The following SVEP1 variants were observed in gnomAD, a reference collection of about 807,000 sequenced individuals.
The protein encoded by SVEP1 is sushi, von Willebrand factor type A, EGF and pentraxin domain containing 1.
SVEP1 carries 164 observed loss-of-function variants against 367.3 expected under a neutral mutation model. The ratio of observed to expected loss-of-function variants is 0.45; its 90% CI spans 0.39 to 0.51. SVEP1 has a LOEUF of 0.51. SVEP1 is among the 20% of genes least tolerant of loss of function. The probability of loss-of-function intolerance (pLI) is 0.00; values close to 1 mark genes in which losing one functional copy is unlikely to be tolerated. For missense variants in SVEP1, 4,117 were observed against 4,425.3 expected (o/e 0.93, Z 1.98); for synonymous variants, 1,666 against 1,611.6 (o/e 1.03, Z -0.81).
intron 36 of SVEP1, among the ~76,000 whole-genome samples, chr9:110,414,536 C>T (rs748792440): frequency 3.3e-5 from 5 of 152,042 alleles, no homozygotes; most frequent in Non-Finnish European, 7.4e-5. Context: ...CTATCAATAT[C>T]ACAGTGATGC....
Position 110,403,932 on chromosome 9 carries a change from A to G in SVEP1, c.9666+395T>C, listed in dbSNP as rs143546693. On this transcript the variant is annotated intron_variant, in intron 39 of 47. Transcript: ENST00000374469. ...CTTTCTCTACTGCTTACAAGCAGCA[A>G]ATAGCAGAGAAGAGGATTTGACACC... is the stretch of plus-strand genomic sequence containing the variant. Among the ~76,000 whole-genome samples the G allele has an allele frequency of 5.5e-3, 832 of 152,170 alleles. 7 individuals carry two copies. Among genetic ancestry groups the G allele is most frequent in the African/African-American group, 0.019 (805 of 41,542 alleles).
intron 22 of SVEP1, among the ~76,000 whole-genome samples, chr9:110,452,295 G>C (rs1305945539): frequency 1.3e-5 from 2 of 151,990 alleles, no homozygotes; most frequent in Non-Finnish European, 2.9e-5. Context: ...TTCACATCTA[G>C]TAAATGTATA....
chr9:110,386,491 T>C (rs1015130510), intron 42 of SVEP1, among the ~76,000 whole-genome samples: 1 of 152,102 alleles, frequency 6.6e-6, no homozygotes, highest in African/African-American at 2.4e-5. Flanking sequence ...CTTTCTTTTA[T>C]TGAACATCCT....
At chr9:110,445,696 A>C in intron 26 of SVEP1, 141 bp downstream of exon 26, 1 of 842,910 alleles carries the variant, frequency 1.2e-6, no homozygotes, top group Non-Finnish European at 1.9e-6. Flanking sequence ...ACTTGTTCAG[A>C]TGCTCCATTT....
intron 41 of SVEP1, among the ~76,000 whole-genome samples, chr9:110,388,674 G>C (rs958108422): frequency 1.3e-5 from 2 of 152,080 alleles, no homozygotes; most frequent in Non-Finnish European, 2.9e-5. Context: ...GCTTTAAAAT[G>C]CTATTGATGC....
At chr9:110,475,603 A>G (rs1394576776) in intron 14 of SVEP1, among the ~76,000 whole-genome samples, 1 of 150,726 alleles carries the variant, frequency 6.6e-6, no homozygotes, top group Non-Finnish European at 1.5e-5. Flanking sequence ...TGGCATAATC[A>G]TGGCTCACTG....
In SVEP1 at chr9:110,491,010, GT is replaced by G. The variant is rs892443803; in HGVS notation, c.1801-1232del. Among the ~76,000 whole-genome samples, 11 of 151,642 alleles carry G rather than the reference GT, an allele frequency of 7.3e-5. No individual in the cohort carries two copies. In the South Asian group the frequency reaches 1.0e-3, roughly 14 times the overall value. ...AAGCATCCAAAAATATTTGATGGTAGTTTTTTTTATGATTTAAACTATAATT... is the reference window on the plus strand; with the variant it reads ...AAGCATCCAAAAATATTTGATGGTAGTTTTTTTATGATTTAAACTATAATT... On this transcript the variant is annotated intron_variant, in intron 8 of 47. Transcript: ENST00000374469.
At chr9:110,492,983 C>G (rs1162501183) in intron 8 of SVEP1, among the ~76,000 whole-genome samples, 1 of 152,084 alleles carries the variant, frequency 6.6e-6, no homozygotes, top group Non-Finnish European at 1.5e-5. Flanking sequence ...TATGGACAGA[C>G]TGGGAGGAAG....
At chr9:110,513,521 C>A (rs1439706387) in intron 4 of SVEP1, among the ~76,000 whole-genome samples, 7 of 152,088 alleles carry the variant, frequency 4.6e-5, no homozygotes, top group Non-Finnish European at 7.4e-5. Context: ...ATGGTATATG[C>A]TATTTAAATA....
chr9:110,488,631 G>T lies in SVEP1; in HGVS notation c.1930+1019C>A, dbSNP rs55755023. Among the ~76,000 whole-genome samples, 5 of 152,204 alleles carry T rather than the reference G, an allele frequency of 3.3e-5. No homozygotes were observed. In the South Asian group the frequency reaches 6.2e-4, roughly 19 times the overall value. On this transcript the variant is annotated intron_variant, in intron 9 of 47. Coordinates refer to ENST00000374469, the MANE Select transcript of SVEP1 (RefSeq NM_153366.4). ...AATCCCAGCATTTTGGGAGGCCAAC[G>T]TGAGAGGATCACTTGAGGCCAGGAG...
chr9:110,491,613 GTGTGCA>G (rs1441139097), intron 8 of SVEP1, among the ~76,000 whole-genome samples: 2 of 151,590 alleles, frequency 1.3e-5, no homozygotes, highest in African/African-American at 4.8e-5. Context: ...GTGTGTGTGT[GTGTGCA>G]AATTTATCTG....
chr9:110,477,643 T>A (rs542197060), intron 13 of SVEP1, among the ~76,000 whole-genome samples: 3 of 152,200 alleles, frequency 2.0e-5, no homozygotes, highest in South Asian at 2.1e-4. Flanking sequence ...CACACTTCCA[T>A]CCCCATGAGT....
At position 110,375,494 on chromosome 9, in the gene SVEP1, G is replaced by A. The variant is rs1164272806; in HGVS notation, c.10505-31C>T. ...AAAAAAAAAAAAAAAAAAAAAAGGA[G>A]GCAGGGGGGATTGAAATGGCGTTGA... is the stretch of plus-strand genomic sequence containing the variant. On this transcript the variant is annotated intron_variant, in intron 45 of 47. Transcript: ENST00000374469. 4 of 1,232,624 alleles carry A rather than the reference G, an allele frequency of 3.2e-6. No homozygotes were observed. In the African/African-American group the frequency reaches 6.8e-5, roughly 21 times the overall value. 76.4% of individuals were successfully genotyped at this position (1,232,624 alleles called of 1,614,324 possible). A position where few individuals can be genotyped will look rare whatever the true frequency, so the allele number is the denominator to read the frequency against.
intron 46 of SVEP1, among the ~76,000 whole-genome samples, chr9:110,371,194 ACAAG>A (rs908005545): frequency 2.0e-4 from 31 of 152,220 alleles, no homozygotes; most frequent in African/African-American, 7.5e-4. Context: ...CAGGATTAAA[ACAAG>A]CAAAAATAAA....
chr9:110,437,473 G>A (rs1828447929), intron 27 of SVEP1, among the ~76,000 whole-genome samples: 1 of 152,060 alleles, frequency 6.6e-6, no homozygotes, highest in Admixed American at 6.6e-5. Context: ...GATGCTACCT[G>A]TTTCCTGCCA....
At chr9:110,572,596 G>A (rs757333836) in intron 1 of SVEP1, among the ~76,000 whole-genome samples, 5 of 151,856 alleles carry the variant, frequency 3.3e-5, no homozygotes, top group South Asian at 2.1e-4. Flanking sequence ...GCACAGTGAC[G>A]CACACCTGTA....
chr9:110,563,395 TA>T (rs1346325171), intron 1 of SVEP1, among the ~76,000 whole-genome samples: 2 of 151,242 alleles, frequency 1.3e-5, no homozygotes, highest in African/African-American at 2.4e-5. Flanking sequence ...ATTTGTATAT[TA>T]TTTCCATAAT....
At position 110,411,181 on chromosome 9, in the gene SVEP1, T is replaced by C. The variant is rs780885724; in HGVS notation, c.6530A>G (p.Tyr2177Cys). The C allele has an allele frequency of 3.7e-6, 6 of 1,614,024 alleles. No individual in the cohort carries two copies. Among genetic ancestry groups the C allele is most frequent in the Non-Finnish European group, 5.1e-6 (6 of 1,179,880 alleles). ...GGTGCTCTTCTTTTCCCCTTTGATGTAGAACCCCTTGTTGCAGCTGTAAGC... is the reference window on the plus strand; with the variant it reads ...GGTGCTCTTCTTTTCCCCTTTGATGCAGAACCCCTTGTTGCAGCTGTAAGC... ...MVAYSCNKGF[Y>C]IKGEKKSTCE... Residue 2177 changes from tyrosine (Y) to cysteine (C), a missense_variant, in exon 37 of 48, where the codon TAC becomes TGC. By Grantham distance (194) the Tyr-to-Cys change is radical. Transcript: ENST00000374469.
intron 15 of SVEP1, 62 bp downstream of exon 15, chr9:110,472,097 G>C: frequency 2.0e-6 from 3 of 1,469,562 alleles, no homozygotes; most frequent in Non-Finnish European, 2.8e-6. Flanking sequence ...GATTTGAGAA[G>C]CAGGTTTCCA....
Sources: gnomAD v4.1 joint callset for allele counts (sites outside exome capture counted in the v4.1 genomes callset) on GRCh38, gnomAD v4.1.1 for gene constraint, MANE v1.5 for transcripts, NCBI Gene and HGNC (gene_info 2026-07-23, HGNC 2026-07-21) for gene names.